The following GRM8 variants were observed in gnomAD, a reference collection of about 807,000 sequenced individuals.
GRM8 encodes the protein metabotropic glutamate receptor 8.
A neutral mutation model predicts 87.2 loss-of-function variants in GRM8; 47 were observed. The observed-to-expected ratio is 0.54, with a 90% CI of 0.43 to 0.69. The LOEUF is 0.69. Ranked by LOEUF, GRM8 falls within the 30% of genes least tolerant of loss-of-function variation. The pLI, the probability that GRM8 is intolerant of heterozygous loss-of-function variation, is 0.00. For missense variants in GRM8, 1,019 were observed against 1,139.2 expected (o/e 0.89, Z 1.52); for synonymous variants, 396 against 404.5 (o/e 0.98, Z 0.25).
intron 9 of GRM8, among the ~76,000 whole-genome samples, chr7:126,506,844 C>T (rs1017780425): frequency 3.2e-4 from 49 of 151,978 alleles, no homozygotes; most frequent in African/African-American, 1.2e-3. Context: ...GCTTCCTCTG[C>T]TAGGCAACAG....
intron 6 of GRM8, among the ~76,000 whole-genome samples, chr7:126,878,728 T>C (rs921412286): frequency 2.0e-5 from 3 of 151,990 alleles, no homozygotes; most frequent in African/African-American, 7.2e-5. Flanking sequence ...GGTTTCACCA[T>C]GTTGGTCAGG....
chr7:127,250,426 C>G (rs6948480), intron 1 of GRM8, among the ~76,000 whole-genome samples: 48,694 of 152,136 alleles, frequency 0.32, 9,718 homozygotes, highest in African/African-American at 0.54. Context: ...GAACAGTATA[C>G]AGCTGTGTTC....
intron 6 of GRM8, among the ~76,000 whole-genome samples, chr7:126,850,685 C>T (rs1319234455): frequency 2.0e-5 from 3 of 152,198 alleles, no homozygotes; most frequent in Non-Finnish European, 2.9e-5. Flanking sequence ...AAAGCTACAA[C>T]TGTAACTAGC....
At chr7:126,901,578 G>A (rs921940399) in intron 6 of GRM8, among the ~76,000 whole-genome samples, 17 of 151,994 alleles carry the variant, frequency 1.1e-4, no homozygotes, top group African/African-American at 2.2e-4. Flanking sequence ...CTGTTTATAT[G>A]TCTGTGCTAG....
intron 7 of GRM8, among the ~76,000 whole-genome samples, chr7:126,658,236 C>T (rs1585404142): frequency 6.6e-6 from 1 of 152,300 alleles, no homozygotes; most frequent in African/African-American, 2.4e-5. Context: ...TGAGTTATGG[C>T]TCCCAGAGTC....
chr7:126,681,991 A>G (rs1807649572), intron 7 of GRM8, among the ~76,000 whole-genome samples: 1 of 152,154 alleles, frequency 6.6e-6, no homozygotes, highest in African/African-American at 2.4e-5. Context: ...AACCCAATAT[A>G]TAGAAATAAA....
At chr7:126,844,025 A>C (rs911658789) in intron 6 of GRM8, among the ~76,000 whole-genome samples, 4 of 152,246 alleles carry the variant, frequency 2.6e-5, no homozygotes, top group East Asian at 1.9e-4. Context: ...TTTATAGTAC[A>C]TCTAAAGAAT....
chr7:126,463,455 G>A (rs1314555361), intron 9 of GRM8, among the ~76,000 whole-genome samples: 1 of 151,504 alleles, frequency 6.6e-6, no homozygotes, highest in Non-Finnish European at 1.5e-5. Flanking sequence ...ATCCTCAGAT[G>A]GATTGTAACG....
At chr7:126,599,748 T>C (rs887611615) in intron 8 of GRM8, among the ~76,000 whole-genome samples, 1 of 152,150 alleles carries the variant, frequency 6.6e-6, no homozygotes, top group African/African-American at 2.4e-5. Context: ...AATGAATGTG[T>C]GTTTAAAGTT....
intron 3 of GRM8, among the ~76,000 whole-genome samples, chr7:127,026,929 T>A (rs570498883): frequency 6.6e-6 from 1 of 152,276 alleles, no homozygotes; most frequent in East Asian, 1.9e-4. Context: ...TCCTGAATGG[T>A]ATTGTCTAGG....
At chr7:126,886,705 A>C (rs1800534425) in intron 6 of GRM8, among the ~76,000 whole-genome samples, 1 of 152,150 alleles carries the variant, frequency 6.6e-6, no homozygotes, top group South Asian at 2.1e-4. Flanking sequence ...ATACTGTCAA[A>C]ATTTCTTTAT....
At chr7:127,132,856 G>A (rs1188394175) in intron 2 of GRM8, among the ~76,000 whole-genome samples, 1 of 152,134 alleles carries the variant, frequency 6.6e-6, no homozygotes, top group Non-Finnish European at 1.5e-5. Context: ...CAAAAGCAGG[G>A]CACATAGCAT....
chr7:127,213,951 C>A (rs1303721261), intron 2 of GRM8, among the ~76,000 whole-genome samples: 24 of 152,086 alleles, frequency 1.6e-4, no homozygotes, highest in Admixed American at 1.6e-3. Flanking sequence ...GAAAATTACC[C>A]AAATGCCCAA....
intron 7 of GRM8, among the ~76,000 whole-genome samples, chr7:126,654,792 G>A (rs1297332005): frequency 6.6e-6 from 1 of 152,146 alleles, no homozygotes; most frequent in Non-Finnish European, 1.5e-5. Flanking sequence ...TAGGGAAGCT[G>A]AGCAGGCAAA....
intron 3 of GRM8, among the ~76,000 whole-genome samples, chr7:126,916,567 C>G (rs368002210): frequency 1.3e-5 from 2 of 152,312 alleles, no homozygotes; most frequent in East Asian, 3.9e-4. Flanking sequence ...AATCTATGTG[C>G]ACTCTTCTAC....
At chr7:127,009,900 G>C (rs1344368849) in intron 3 of GRM8, among the ~76,000 whole-genome samples, 1 of 152,000 alleles carries the variant, frequency 6.6e-6, no homozygotes, top group African/African-American at 2.4e-5. Flanking sequence ...CTGGACTGCA[G>C]TGGTGTGATC....
chr7:126,983,317 T>C (rs1811728479), intron 3 of GRM8, among the ~76,000 whole-genome samples: 1 of 152,026 alleles, frequency 6.6e-6, no homozygotes, highest in African/African-American at 2.4e-5. Context: ...ATAATAGAAT[T>C]GCCTTTGGAA....
chr7:126,614,601 A>C (rs1420870488), intron 7 of GRM8, among the ~76,000 whole-genome samples: 1 of 152,198 alleles, frequency 6.6e-6, no homozygotes, highest in Non-Finnish European at 1.5e-5. Context: ...GTTCGAACCC[A>C]ATGCAAAGAA....
Position 127,153,976 on chromosome 7 carries a change from C to T in GRM8, c.511-47264G>A, listed in dbSNP as rs539179427. ...CTGAGGAGAGGTACAAGTGAGGGGACGTGAGGAGCACGGGTGGTGAGTATG... is the reference window on the plus strand; with the variant it reads ...CTGAGGAGAGGTACAAGTGAGGGGATGTGAGGAGCACGGGTGGTGAGTATG... On this transcript the variant is annotated intron_variant, in intron 2 of 10. Transcript: ENST00000339582. 3.9e-5 allele frequency among the ~76,000 whole-genome samples: 6 copies of T among 152,144 alleles called. No homozygotes were observed. In the South Asian group the frequency reaches 8.3e-4, roughly 21 times the overall value.
Sources: allele counts gnomAD v4.1 joint callset (sites outside exome capture counted in the v4.1 genomes callset), GRCh38; gene constraint gnomAD v4.1.1; transcripts MANE v1.5; gene names NCBI Gene and HGNC (gene_info 2026-07-23, HGNC 2026-07-21).